The following GALNT13 variants were observed in gnomAD, a reference collection of about 807,000 sequenced individuals.
GALNT13 encodes the protein UDP-GalNAc:polypeptide N-acetylgalactosaminyltransferase 13.
A neutral mutation model predicts 64.2 loss-of-function variants in GALNT13; 28 were observed. That is an observed-to-expected ratio of 0.44 (90% CI 0.32 to 0.60). GALNT13 has a LOEUF of 0.60. Ranked by LOEUF, GALNT13 falls within the 20% of genes least tolerant of loss-of-function variation. The pLI is 0.05. For missense variants in GALNT13, 577 were observed against 669.8 expected (o/e 0.86, Z 1.53); for synonymous variants, 214 against 224.6 (o/e 0.95, Z 0.42).
the GALNT13 span, among the ~76,000 whole-genome samples, chr2:153,725,898 GTTATC>G: frequency 1.3e-5 from 2 of 151,168 alleles, no homozygotes; most frequent in Admixed American, 6.6e-5. Context: ...TGTGTATACA[GTTATC>G]TTAATTAGTA....
chr2:153,637,940 C>T, the GALNT13 span, among the ~76,000 whole-genome samples: 4 of 150,728 alleles, frequency 2.7e-5, no homozygotes, highest in East Asian at 1.9e-4. Flanking sequence ...AAGTACCAGG[C>T]ATGGAAAATA....
At chr2:153,629,469 C>T in the GALNT13 span, among the ~76,000 whole-genome samples, 10 of 152,038 alleles carry the variant, frequency 6.6e-5, no homozygotes, top group East Asian at 1.9e-3. Context: ...AACTGGATCC[C>T]TTCCTTACAC....
chr2:154,438,085 A>G (rs2105469086), intron 11 of GALNT13, among the ~76,000 whole-genome samples: 1 of 152,260 alleles, frequency 6.6e-6, no homozygotes, highest in South Asian at 2.1e-4. Flanking sequence ...TAAGATCTCT[A>G]GAGAAGATAC....
chr2:153,837,472 T>A, the GALNT13 span, among the ~76,000 whole-genome samples: 1 of 152,146 alleles, frequency 6.6e-6, no homozygotes, highest in Non-Finnish European at 1.5e-5. Flanking sequence ...TCAGCATTTT[T>A]AGATTCCATG....
At chr2:153,109,830 G>A in the GALNT13 span, among the ~76,000 whole-genome samples, 1 of 152,092 alleles carries the variant, frequency 6.6e-6, no homozygotes, top group Non-Finnish European at 1.5e-5. Flanking sequence ...GCTTTGAGCT[G>A]TATCGGGTTT....
At chr2:153,661,942 G>C in the GALNT13 span, among the ~76,000 whole-genome samples, 1 of 152,072 alleles carries the variant, frequency 6.6e-6, no homozygotes, top group Non-Finnish European at 1.5e-5. Flanking sequence ...TATATCTTGG[G>C]ATAGAGTCTT....
the GALNT13 span, among the ~76,000 whole-genome samples, chr2:153,486,938 A>G: frequency 6.6e-6 from 1 of 152,206 alleles, no homozygotes; most frequent in African/African-American, 2.4e-5. Flanking sequence ...ACCAGCTTCA[A>G]TATGGGGAAA....
intron 7 of GALNT13, among the ~76,000 whole-genome samples, chr2:154,252,013 TATTA>T (rs893512056): frequency 6.6e-6 from 1 of 152,108 alleles, no homozygotes. Context: ...TACTTATCTT[TATTA>T]ATTTTATAAT....
chr2:153,771,185 G>A, the GALNT13 span, among the ~76,000 whole-genome samples: 9 of 152,164 alleles, frequency 5.9e-5, no homozygotes, highest in African/African-American at 1.9e-4. Context: ...ACAGGGGATG[G>A]GAGAAAATAC....
chr2:153,620,399 C>T, the GALNT13 span, among the ~76,000 whole-genome samples: 1 of 152,038 alleles, frequency 6.6e-6, no homozygotes, highest in African/African-American at 2.4e-5. Flanking sequence ...GCTGGGATTA[C>T]AGGTGTGAGC....
chr2:153,277,923 CTTTCTTTT>C, the GALNT13 span, among the ~76,000 whole-genome samples: 8 of 78,954 alleles, frequency 1.0e-4, 3 homozygotes, highest in Non-Finnish European at 1.4e-4. Context: ...GTTTTCTTTT[CTTTCTTTT>C]TTTTTTTTTT....
At chr2:154,019,598 G>T (rs2105271874) in intron 3 of GALNT13, among the ~76,000 whole-genome samples, 1 of 125,190 alleles carries the variant, frequency 8.0e-6, no homozygotes, top group Non-Finnish European at 1.6e-5. Flanking sequence ...CACAGAGTAA[G>T]ACTCCACACA....
the GALNT13 span, among the ~76,000 whole-genome samples, chr2:153,600,500 C>T: frequency 1.7e-3 from 252 of 151,972 alleles, no homozygotes; most frequent in Admixed American, 4.3e-3. Flanking sequence ...GGTATAGTGC[C>T]AGACTGAGAG....
the GALNT13 span, among the ~76,000 whole-genome samples, chr2:153,630,805 A>ATTT: frequency 1.3e-4 from 2 of 15,006 alleles, no homozygotes; most frequent in Non-Finnish European, 2.4e-4. Context: ...ATATATATAT[A>ATTT]TATTTTTTTT....
At position 154,003,661 on chromosome 2, in the gene GALNT13, A is replaced by C. The variant is rs534384190; in HGVS notation, c.142+59022A>C. Among the ~76,000 whole-genome samples, 6 of 152,266 alleles carry C rather than the reference A, an allele frequency of 3.9e-5. 1 individual carries two copies. The South Asian group carries it at 1.2e-3, about 32-fold the overall frequency. Reference sequence around the variant, plus strand: ...CCTTACCCAAATCTCATGTTCTTGTAATCCCCAATGTTGGAGATTGGGCCT... The same window carrying C: ...CCTTACCCAAATCTCATGTTCTTGTCATCCCCAATGTTGGAGATTGGGCCT... On this transcript the variant is annotated intron_variant, in intron 3 of 12. Transcript: ENST00000392825.
chr2:153,805,052 C>T, the GALNT13 span, among the ~76,000 whole-genome samples: 28 of 151,244 alleles, frequency 1.9e-4, no homozygotes, highest in Admixed American at 9.9e-4. Flanking sequence ...TATGTAATTA[C>T]GGTATACATA....
the GALNT13 span, among the ~76,000 whole-genome samples, chr2:153,405,986 A>G: frequency 1.3e-5 from 2 of 152,206 alleles, no homozygotes; most frequent in African/African-American, 4.8e-5. Context: ...GGTGAGCTAA[A>G]CAAGCAAAAG....
chr2:153,363,854 C>A, the GALNT13 span, among the ~76,000 whole-genome samples: 1 of 152,090 alleles, frequency 6.6e-6, no homozygotes, highest in Non-Finnish European at 1.5e-5. Context: ...TTCCAAACAA[C>A]TGAAAAGGAG....
chr2:153,339,564 G>T, the GALNT13 span, among the ~76,000 whole-genome samples: 3 of 152,126 alleles, frequency 2.0e-5, no homozygotes, highest in Admixed American at 6.5e-5. Flanking sequence ...TCTGTAAGTT[G>T]TCTTTTTACT....
Sources: allele counts gnomAD v4.1 joint callset (sites outside exome capture counted in the v4.1 genomes callset), GRCh38; gene constraint gnomAD v4.1.1; transcripts MANE v1.5; gene names NCBI Gene and HGNC (gene_info 2026-07-23, HGNC 2026-07-21).